LPCAT1: variants seen among roughly 807,000 people sequenced by gnomAD.
The protein encoded by LPCAT1 is 1-acylglycerol-3-phosphate O-acyltransferase.
In LPCAT1, 23 loss-of-function variants were observed where a neutral mutation model predicts 60.9. The observed-to-expected ratio is 0.38, with a 90% confidence interval of 0.27 to 0.53. The LOEUF (loss-of-function observed/expected upper bound fraction) is 0.53, where lower values mean the gene tolerates loss of function less well. LPCAT1 is among the 20% of genes least tolerant of loss of function. The pLI is 0.82. For missense variants in LPCAT1, 622 were observed against 723.6 expected (o/e 0.86, Z 1.61); for synonymous variants, 340 against 301.1 (o/e 1.13, Z -1.34).
rs761687464 is a variant in LPCAT1 at position 1,494,811 on chromosome 5, C to T, written c.382G>A (p.Ala128Thr). ...KGRQALPTEAAILTLAPHSSY... is the reference protein window; with the variant it reads ...KGRQALPTEATILTLAPHSSY... ...GAGTGAGGCGCGAGCGTGAGGATGG[C>T]CGCCTCGGTGGGCAGCGCCTGCCGC... The change falls in exon 3 of 14, where the codon GCC becomes ACC. Residue 128 changes from alanine (A) to threonine (T), a missense_variant. By Grantham distance (58) the Ala-to-Thr change is moderately conservative (BLOSUM62 0). Coordinates refer to ENST00000283415, the MANE Select transcript of LPCAT1 (RefSeq NM_024830.5). 4 of 1,613,962 alleles carry T rather than the reference C, an allele frequency of 2.5e-6. No individual in the cohort carries two copies. The highest frequency in any genetic ancestry group is 3.4e-6 in the Non-Finnish European group (4 of 1,179,990).
At chr5:1,512,722 T>A (rs567954495) in intron 1 of LPCAT1, among the ~76,000 whole-genome samples, 2 of 152,354 alleles carry the variant, frequency 1.3e-5, no homozygotes, top group Admixed American at 1.3e-4. Flanking sequence ...CCTGACACCC[T>A]GGCTCACACC....
At chr5:1,500,064 C>A (rs1181260049) in intron 2 of LPCAT1, among the ~76,000 whole-genome samples, 1 of 152,282 alleles carries the variant, frequency 6.6e-6, no homozygotes, top group Non-Finnish European at 1.5e-5. Context: ...ACCAATGCAG[C>A]CCTGAACATC....
rs148408916 is a variant in LPCAT1, at chr5:1,491,538, G to T, written c.494-1680C>A. On this transcript the variant is annotated intron_variant, in intron 3 of 13. Coordinates refer to ENST00000283415, the MANE Select transcript of LPCAT1 (RefSeq NM_024830.5). ...AGGACTCTGAGTGAAGTCTTGGGCCGTGCGTCTTCATGTGGGTTGCCCGGT... is the reference window on the plus strand; with the variant it reads ...AGGACTCTGAGTGAAGTCTTGGGCCTTGCGTCTTCATGTGGGTTGCCCGGT... 5.9e-4 allele frequency among the ~76,000 whole-genome samples: 90 copies of T among 152,326 alleles called. No individual in the cohort carries two copies. The South Asian group carries it at 7.5e-3, about 13-fold the overall frequency.
Position 1,487,457 on chromosome 5 carries a change from A to G in LPCAT1, c.667+934T>C, listed in dbSNP as rs550783174. The stretch of plus-strand genomic sequence containing the variant: ...AACCTGCCATCTGCCTGCTGCACCA[A>G]GGAGGGTGGAGGGTGAAAGCACGCG... On this transcript the variant is annotated intron_variant, in intron 5 of 13. Transcript: ENST00000283415. This position sits in a 1 kb window ranked among gnomAD's most constrained non-coding sequence, Gnocchi z 6.1. Among the ~76,000 whole-genome samples, 9 of 152,164 alleles carry G rather than the reference A, an allele frequency of 5.9e-5. No homozygotes were observed. The highest frequency in any genetic ancestry group is 1.2e-4 in the Non-Finnish European group (8 of 68,028).
intron 1 of LPCAT1, among the ~76,000 whole-genome samples, chr5:1,520,637 G>T (rs905909493): frequency 6.6e-5 from 10 of 152,204 alleles, no homozygotes; most frequent in Non-Finnish European, 1.0e-4. Context: ...GAGGCGGGAG[G>T]ATCACAAGGT....
At chr5:1,471,452 G>C (rs1389991910) in intron 11 of LPCAT1, among the ~76,000 whole-genome samples, 2 of 152,238 alleles carry the variant, frequency 1.3e-5, no homozygotes, top group Non-Finnish European at 2.9e-5. Flanking sequence ...GCAGGGTGGT[G>C]AGAGGCACAG....
At chr5:1,513,150 C>T (rs561239990) in intron 1 of LPCAT1, among the ~76,000 whole-genome samples, 1 of 152,282 alleles carries the variant, frequency 6.6e-6, no homozygotes, top group East Asian at 1.9e-4. Context: ...GTGCCGGAGC[C>T]GCTCCTCCGG....
At position 1,483,706 on chromosome 5, in the gene LPCAT1, C is replaced by G. The variant is rs150043043; in HGVS notation, c.668-220G>C. Among the ~76,000 whole-genome samples, 2 of 152,264 alleles carry G rather than the reference C, an allele frequency of 1.3e-5. No homozygotes were observed. The highest frequency in any genetic ancestry group is 2.9e-5 in the Non-Finnish European group (2 of 68,046). On this transcript the variant is annotated intron_variant, in intron 5 of 13. Transcript: ENST00000283415. The surrounding 1 kb of genome is among the most constrained non-coding windows in gnomAD (Gnocchi z 9.2). ...AGGAACATCGGCCAGGGGCGCTCCC[C>G]GGCCAAGGAACACTTTCTGTTTTAA...
At chr5:1,512,362 A>G (rs966865213) in intron 1 of LPCAT1, among the ~76,000 whole-genome samples, 1 of 152,198 alleles carries the variant, frequency 6.6e-6, no homozygotes, top group Non-Finnish European at 1.5e-5. Context: ...CAGGGTCACA[A>G]GGCCCCGGCC....
intron 12 of LPCAT1, among the ~76,000 whole-genome samples, chr5:1,468,846 C>T (rs999011817): frequency 7.2e-5 from 11 of 152,198 alleles, no homozygotes; most frequent in African/African-American, 2.7e-4. Flanking sequence ...CTCTGTGTCC[C>T]AAGAGCAGCA....
At position 1,496,700 on chromosome 5, in the gene LPCAT1, A is replaced by G. The variant is rs2126574787; in HGVS notation, c.279-1786T>C. ...TGTACTGGGTGTCGGGGCAGGGAAA[A>G]AGCAGCCTCAGCTCTTCTCTAAAGA... On this transcript the variant is annotated intron_variant, in intron 2 of 13. Transcript: ENST00000283415. The surrounding 1 kb of genome is among the most constrained non-coding windows in gnomAD (Gnocchi z 4.7). 6.6e-6 allele frequency among the ~76,000 whole-genome samples: 1 copy of G among 152,294 alleles called. No individual in the cohort carries two copies. The highest frequency in any genetic ancestry group is 1.9e-4 in the East Asian group (1 of 5,182).
intron 9 of LPCAT1, among the ~76,000 whole-genome samples, 164 bp from the exon 10 acceptor site, chr5:1,474,849 T>C (rs1734836164): frequency 6.6e-6 from 1 of 152,170 alleles, no homozygotes; most frequent in African/African-American, 2.4e-5. Context: ...ATCGATCAGC[T>C]TCACCTCTCG....
chr5:1,520,860 C>CAAAAAAAAAAAAAAAAAAAAAAAA (rs59074953), intron 1 of LPCAT1, among the ~76,000 whole-genome samples: 3 of 82,046 alleles, frequency 3.7e-5, no homozygotes, highest in African/African-American at 9.8e-5. Flanking sequence ...GAGACTGTCT[C>CAAAAAAAAAAAAAAAAAAAAAAAA]AAAAAAAAAA....
intron 6 of LPCAT1, among the ~76,000 whole-genome samples, chr5:1,482,223 G>T (rs1265323778): frequency 6.6e-6 from 1 of 151,746 alleles, no homozygotes; most frequent in Non-Finnish European, 1.5e-5. Context: ...CATTGCTGTG[G>T]AAGGGGGAAC....
At chr5:1,474,213 T>G in intron 10 of LPCAT1, 103 bp from the exon 11 acceptor site, 1 of 1,268,880 alleles carries the variant, frequency 7.9e-7, no homozygotes, top group South Asian at 1.4e-5. Context: ...TTGACAGAAG[T>G]AGCAGCAAGC....
At chr5:1,491,774 C>T (rs183424020) in intron 3 of LPCAT1, among the ~76,000 whole-genome samples, 18 of 152,156 alleles carry the variant, frequency 1.2e-4, no homozygotes, top group Admixed American at 4.6e-4. Context: ...ATGGATGGTG[C>T]GGATATGAAG....
chr5:1,489,813 T>C lies in LPCAT1; in HGVS notation c.539A>G (p.Gln180Arg), dbSNP rs138753883. The change falls in exon 4 of 14, where the codon CAG becomes CGG. Residue 180 changes from glutamine (Q) to arginine (R), a missense_variant. Gln to Arg is a conservative substitution (Grantham distance 43). This residue lies in a region of LPCAT1 where 209 missense variants were observed against 325.5 expected (regional missense o/e 0.64). Coordinates refer to ENST00000283415, the MANE Select transcript of LPCAT1 (RefSeq NM_024830.5). ...TTCTACTGTTTTCCTGCGAGAATCC[T>C]GGTCTGACCGGGACACGAACACAGG... is the stretch of plus-strand genomic sequence containing the variant. ...IRPVFVSRSDQDSRRKTVEEI... is the reference protein window; with the variant it reads ...IRPVFVSRSDRDSRRKTVEEI... 3.1e-4 allele frequency: 495 copies of C among 1,614,206 alleles called. No individual in the cohort carries two copies. The highest frequency in any genetic ancestry group is 4.0e-4 in the Non-Finnish European group (475 of 1,179,980).
chr5:1,476,392 G>T lies in LPCAT1; in HGVS notation c.899+1012C>A, dbSNP rs1343730961. 3.9e-5 allele frequency among the ~76,000 whole-genome samples: 6 copies of T among 152,184 alleles called. No individual in the cohort carries two copies. Among genetic ancestry groups the T allele is most frequent in the Non-Finnish European group, 7.3e-5 (5 of 68,042 alleles). ...ACACATGCTTTGGGAGGGAGAGGATGGGAACGTGAGGGAACGGGCCGCCCA... is the reference window on the plus strand; with the variant it reads ...ACACATGCTTTGGGAGGGAGAGGATTGGAACGTGAGGGAACGGGCCGCCCA... On this transcript the variant is annotated intron_variant, in intron 9 of 13. Coordinates refer to ENST00000283415, the MANE Select transcript of LPCAT1 (RefSeq NM_024830.5). This position sits in a 1 kb window ranked among gnomAD's most constrained non-coding sequence, Gnocchi z 8.6.
At chr5:1,497,066 G>C (rs1300408485) in intron 2 of LPCAT1, among the ~76,000 whole-genome samples, 1 of 152,222 alleles carries the variant, frequency 6.6e-6, no homozygotes, top group African/African-American at 2.4e-5. Context: ...GAGAAGCAGA[G>C]GACTGACCCC....
Sources: allele counts gnomAD v4.1 joint callset (sites outside exome capture counted in the v4.1 genomes callset), GRCh38; gene constraint gnomAD v4.1.1; regional missense constraint gnomAD v4.1.1; non-coding constraint Gnocchi (gnomAD v3.1); transcripts MANE v1.5; gene names NCBI Gene and HGNC (gene_info 2026-07-23, HGNC 2026-07-21).